Variants in PCLAF observed in about 807,000 individuals in gnomAD.
PCLAF encodes PCNA clamp associated factor, also known as PCNA-associated factor.
PCLAF carries 12 observed loss-of-function variants against 15.1 expected under a neutral mutation model. The observed-to-expected ratio is 0.79, with a 90% CI of 0.51 to 1.29. The LOEUF (loss-of-function observed/expected upper bound fraction) is 1.29. Ranked by LOEUF, PCLAF falls within the 50% of genes most tolerant of loss-of-function variation. The pLI is 0.00. For synonymous variants in PCLAF, 33 were observed against 47.1 expected (o/e 0.70, Z 1.22); for missense variants, 116 against 130.9 (o/e 0.89, Z 0.56).
chr15:64,386,356 T>C (rs1425183901), upstream of PCLAF, among the ~76,000 whole-genome samples: 1 of 152,224 alleles, frequency 6.6e-6, no homozygotes, highest in Non-Finnish European at 1.5e-5. Flanking sequence ...GGCCTTGCTC[T>C]GTCGCCCAGG....
intron 3 of PCLAF, among the ~76,000 whole-genome samples, chr15:64,371,000 G>C (rs1485280690): frequency 8.0e-6 from 1 of 125,684 alleles, no homozygotes; most frequent in African/African-American, 3.1e-5. Context: ...ACGGAGTCTC[G>C]CGCTGTCGCC....
chr15:64,374,846 CA>C (rs372818602), intron 3 of PCLAF, among the ~76,000 whole-genome samples: 2,176 of 39,888 alleles, frequency 0.055, 23 homozygotes, highest in African/African-American at 0.12. Context: ...ACCCCCATAT[CA>C]AAAAAAAAAA....
intron 3 of PCLAF, chr15:64,373,387 G>A (rs2091537766): frequency 3.6e-6 from 1 of 278,100 alleles, no homozygotes; most frequent in Admixed American, 5.3e-5. Flanking sequence ...GAAATTAGTA[G>A]ATTTGATGAA....
intron 2 of PCLAF, among the ~76,000 whole-genome samples, chr15:64,379,535 T>A (rs1398513068): frequency 6.6e-6 from 1 of 151,626 alleles, no homozygotes; most frequent in African/African-American, 2.4e-5. Flanking sequence ...TGGTACAGGG[T>A]ATAAGTTACT....
At chr15:64,386,571 C>T (rs1899942027) in intron 1 of PCLAF, among the ~76,000 whole-genome samples, 1 of 151,932 alleles carries the variant, frequency 6.6e-6, no homozygotes, top group Non-Finnish European at 1.5e-5. Flanking sequence ...GATCCTCTTG[C>T]CTCTGATTCC....
intron 2 of PCLAF, among the ~76,000 whole-genome samples, chr15:64,379,352 G>A (rs1198338188): frequency 5.3e-5 from 8 of 152,042 alleles, no homozygotes; most frequent in African/African-American, 9.6e-5. Flanking sequence ...GGTGGCATGC[G>A]CCTACAGTCC....
At chr15:64,366,652 A>G (rs1397734736) in intron 3 of PCLAF, among the ~76,000 whole-genome samples, 1 of 152,026 alleles carries the variant, frequency 6.6e-6, no homozygotes, top group East Asian at 1.9e-4. Context: ...AACCTGGGCA[A>G]CTTAGTGACA....
intron 3 of PCLAF, among the ~76,000 whole-genome samples, chr15:64,372,340 T>C (rs1899359047): frequency 6.6e-6 from 1 of 152,104 alleles, no homozygotes; most frequent in African/African-American, 2.4e-5. Flanking sequence ...CAGGGCTGGG[T>C]GCGATGGCTC....
chr15:64,373,515 G>T, intron 3 of PCLAF: 1 of 1,031,764 alleles, frequency 9.7e-7, no homozygotes, highest in Non-Finnish European at 1.3e-6. Flanking sequence ...TAGAGATGTA[G>T]AAGGGCAAGC....
Position 64,375,747 on chromosome 15 carries a change from A to T in PCLAF, c.290+996T>A, listed in dbSNP as rs575293472. Among the ~76,000 whole-genome samples the T allele has an allele frequency of 7.9e-5, 12 of 152,290 alleles. No homozygotes were observed. The South Asian group carries it at 2.3e-3, about 29-fold the overall frequency. On this transcript the variant is annotated intron_variant, in intron 3 of 3. Coordinates refer to ENST00000300035, the MANE Select transcript of PCLAF (RefSeq NM_014736.6). ...TGGTAGTTTTTTAAGGGACAGGATT[A>T]ATGGAATTCAAGTTATATAAGCCAA...
chr15:64,375,038 C>T (rs1004368297), intron 3 of PCLAF, among the ~76,000 whole-genome samples: 1 of 152,048 alleles, frequency 6.6e-6, no homozygotes, highest in African/African-American at 2.4e-5. Flanking sequence ...AAAGACAATA[C>T]ACCATGGTAT....
rs1898975918 is a variant in PCLAF, at chr15:64,365,057, C to A, written c.*973G>T. The A allele has an allele frequency of 7.0e-6, 1 of 143,182 alleles. No individual in the cohort carries two copies. The highest frequency in any genetic ancestry group is 1.5e-5 in the Non-Finnish European group (1 of 67,036). The allele number at this position is 143,182 out of a possible 1,614,324, so 8.9% of individuals were successfully genotyped here. On this transcript the variant is annotated 3_prime_UTR_variant, in exon 4 of 4. Coordinates refer to ENST00000300035, the MANE Select transcript of PCLAF (RefSeq NM_014736.6). ...GTCGCCCAAGCCGGACTGCCGACTG[C>A]AGTGGCGCAATCTCGGCTCACTGCA... is the stretch of plus-strand genomic sequence containing the variant.
intron 1 of PCLAF, chr15:64,387,436 CA>C: frequency 8.3e-7 from 1 of 1,206,374 alleles, no homozygotes; most frequent in South Asian, 1.5e-5. Flanking sequence ...ACCACCAGAG[CA>C]AAAACTTACA....
In PCLAF at chr15:64,364,551, T is replaced by C. The variant is rs1215364248; in HGVS notation, c.*1479A>G. On this transcript the variant is annotated 3_prime_UTR_variant, in exon 4 of 4. Coordinates refer to ENST00000300035, the MANE Select transcript of PCLAF (RefSeq NM_014736.6). ...TTATATTGACTTCCAACTTTAAAAT[T>C]ATATTTTATGATAGCGAATCAAATG... 1 of 152,172 alleles carries C rather than the reference T, an allele frequency of 6.6e-6. No homozygotes were observed. The highest frequency in any genetic ancestry group is 1.5e-5 in the Non-Finnish European group (1 of 68,028). 9.4% of individuals were successfully genotyped at this position (152,172 alleles called of 1,614,324 possible).
At chr15:64,380,827 G>T in intron 2 of PCLAF, 131 bp downstream of exon 2, 1 of 723,068 alleles carries the variant, frequency 1.4e-6, no homozygotes, top group Non-Finnish European at 2.2e-6. Context: ...AAAAGGCCCA[G>T]CCTCTCTTAT....
At chr15:64,377,543 G>C (rs1201020827) in intron 2 of PCLAF, among the ~76,000 whole-genome samples, 1 of 76,450 alleles carries the variant, frequency 1.3e-5, no homozygotes, top group African/African-American at 5.0e-5. Flanking sequence ...ATATATTCTT[G>C]TATGTACTGA....
At chr15:64,376,264 A>G (rs1253445778) in intron 3 of PCLAF, among the ~76,000 whole-genome samples, 1 of 152,152 alleles carries the variant, frequency 6.6e-6, no homozygotes, top group Non-Finnish European at 1.5e-5. Flanking sequence ...GTGAGTTATA[A>G]TAAGAAATTA....
chr15:64,373,938 C>T (rs1362527903), intron 3 of PCLAF, among the ~76,000 whole-genome samples: 3 of 151,980 alleles, frequency 2.0e-5, no homozygotes, highest in Admixed American at 6.6e-5. Flanking sequence ...AGGCAGATTT[C>T]GAATCTTTTT....
At chr15:64,382,812 TAAAATA>T (rs1179942771), upstream of PCLAF, 4 of 275,148 alleles carry the variant, frequency 1.5e-5, no homozygotes, top group South Asian at 3.3e-5. Context: ...CAGTCTCTAC[TAAAATA>T]AAAATAAAAA....
Sources: allele counts gnomAD v4.1 joint callset (sites outside exome capture counted in the v4.1 genomes callset), GRCh38; gene constraint gnomAD v4.1.1; transcripts MANE v1.5; gene names NCBI Gene and HGNC (gene_info 2026-07-23, HGNC 2026-07-21).